The following RIC1 variants were observed in gnomAD, a reference collection of about 807,000 sequenced individuals.
RIC1 encodes RIC1 partner of RAB6A GEF complex.
Under a neutral mutation model 169.0 loss-of-function variants are expected in RIC1, and 88 were observed. That is an observed-to-expected ratio of 0.52 (90% CI 0.44 to 0.62). The LOEUF is 0.62. RIC1 is among the 20% of genes least tolerant of loss of function. RIC1 has a pLI of 0.00. For missense variants in RIC1, 1,877 were observed against 1,725.5 expected (o/e 1.09, Z -1.56); for synonymous variants, 790 against 601.5 (o/e 1.31, Z -4.59).
chr9:5,673,900 AAAT>A (rs2130587583), intron 2 of RIC1, among the ~76,000 whole-genome samples: 1 of 152,256 alleles, frequency 6.6e-6, no homozygotes, highest in Non-Finnish European at 1.5e-5. Context: ...ATTTGTGATA[AAAT>A]AATGTCATAA....
chr9:5,735,338 A>G (rs1357256427), intron 7 of RIC1, among the ~76,000 whole-genome samples: 1 of 152,240 alleles, frequency 6.6e-6, no homozygotes, highest in African/African-American at 2.4e-5. Flanking sequence ...GAAAATACAC[A>G]GAGACAGAAG....
intron 1 of RIC1, among the ~76,000 whole-genome samples, chr9:5,654,339 C>T (rs148650157): frequency 2.0e-5 from 3 of 152,144 alleles, no homozygotes; most frequent in East Asian, 3.9e-4. Context: ...CTCTGCCTCC[C>T]GGGTTCAAGC....
chr9:5,724,139 T>C (rs1403091992), intron 6 of RIC1, among the ~76,000 whole-genome samples: 3 of 152,210 alleles, frequency 2.0e-5, no homozygotes, highest in Non-Finnish European at 4.4e-5. Context: ...AATCTATAAA[T>C]GACCTTGGGC....
At chr9:5,732,821 A>G (rs1464922531) in intron 7 of RIC1, among the ~76,000 whole-genome samples, 1 of 152,196 alleles carries the variant, frequency 6.6e-6, no homozygotes, top group Non-Finnish European at 1.5e-5. Context: ...TTAATTTTTA[A>G]GACATCAGCA....
chr9:5,769,053 T>G lies in RIC1; in HGVS notation c.3221T>G (p.Val1074Gly), dbSNP rs370053489. 5.0e-6 allele frequency: 8 copies of G among 1,614,086 alleles called. No individual in the cohort carries two copies. Among genetic ancestry groups the G allele is most frequent in the Non-Finnish European group, 6.8e-6 (8 of 1,179,978 alleles). Reference sequence around the variant, plus strand: ...CATGCTCGGCGCCTCTTAGAAGATGTGAGGTTAAAGGACCTTGGCTGCTTT... The same window carrying G: ...CATGCTCGGCGCCTCTTAGAAGATGGGAGGTTAAAGGACCTTGGCTGCTTT... The part of the protein sequence containing the change: ...WRHARRLLED[V>G]RLKDLGCFAA... Residue 1074 changes from valine (V) to glycine (G), a missense_variant, in exon 22 of 26, where the codon GTG becomes GGG. Around this residue, in one of 3 missense-constraint regions of RIC1, gnomAD observed 681 missense variants for 582.0 expected, o/e 1.17. Coordinates refer to ENST00000414202, the MANE Select transcript of RIC1 (RefSeq NM_020829.4).
At chr9:5,632,255 T>G (rs1440060794) in intron 1 of RIC1, among the ~76,000 whole-genome samples, 2 of 152,240 alleles carry the variant, frequency 1.3e-5, no homozygotes, top group Admixed American at 1.3e-4. Context: ...AGTCGTTTAG[T>G]AGTCTAAGCT....
Position 5,754,494 on chromosome 9 carries a change from C to T in RIC1, c.1603-347C>T, listed in dbSNP as rs113303430. Among the ~76,000 whole-genome samples, 779 of 152,104 alleles carry T rather than the reference C, an allele frequency of 5.1e-3. 14 individuals are homozygous for T. The highest frequency in any genetic ancestry group is 0.018 in the African/African-American group (755 of 41,484). On this transcript the variant is annotated intron_variant, in intron 14 of 25. Coordinates refer to ENST00000414202, the MANE Select transcript of RIC1 (RefSeq NM_020829.4). The stretch of plus-strand genomic sequence containing the variant: ...CTGTAATCCCAGCACTTTGGGAGGC[C>T]GAAGCAGGCGGATCACTTGAGGCTG...
At chr9:5,699,943 C>T (rs1056198747) in intron 3 of RIC1, among the ~76,000 whole-genome samples, 7 of 151,714 alleles carry the variant, frequency 4.6e-5, no homozygotes, top group African/African-American at 1.7e-4. Context: ...TTAAGAACCA[C>T]AACAACTTTG....
Position 5,763,701 on chromosome 9 carries a change from A to G in RIC1, c.2674A>G (p.Thr892Ala), listed in dbSNP as rs1826484962. 2 of 1,613,950 alleles carry G rather than the reference A, an allele frequency of 1.2e-6. No individual in the cohort carries two copies. Among genetic ancestry groups the G allele is most frequent in the African/African-American group, 2.7e-5 (2 of 74,886 alleles). The change falls in exon 19 of 26, where the codon ACT becomes GCT. Residue 892 changes from threonine (T) to alanine (A), a missense_variant. By Grantham distance (58) the Thr-to-Ala change is moderately conservative. This residue lies in a region of RIC1 where 92 missense variants were observed against 151.5 expected (regional missense o/e 0.61). Transcript: ENST00000414202. This position sits in a 1 kb window ranked among gnomAD's most constrained non-coding sequence, Gnocchi z 5.2. ...PLLPTVAKFI[T>A]EFPLFLQTVV... is the part of the protein sequence containing the mutation. Reference sequence around the variant, plus strand: ...GCTTCCCACTGTGGCAAAATTTATCACTGAGTTCCCCCTCTTCCTGCAGAC... The same window carrying G: ...GCTTCCCACTGTGGCAAAATTTATCGCTGAGTTCCCCCTCTTCCTGCAGAC...
chr9:5,748,512 A>T (rs1054088555), intron 12 of RIC1: 5 of 152,678 alleles, frequency 3.3e-5, no homozygotes, highest in African/African-American at 1.2e-4. Flanking sequence ...TATAATTAGT[A>T]ACAATTTTTA....
intron 1 of RIC1, among the ~76,000 whole-genome samples, chr9:5,644,167 T>C (rs1053388546): frequency 1.3e-5 from 2 of 152,228 alleles, no homozygotes; most frequent in African/African-American, 4.8e-5. Context: ...AATCACAGTC[T>C]AGTTTTAGAA....
At chr9:5,765,321 A>G in intron 19 of RIC1, 93 bp from the exon 20 acceptor site, 5 of 1,375,988 alleles carry the variant, frequency 3.6e-6, no homozygotes, top group Non-Finnish European at 5.0e-6. Context: ...GTGTGGCTAC[A>G]TTCTTTGAGT....
chr9:5,744,110 T>A (rs190825202), intron 10 of RIC1, among the ~76,000 whole-genome samples: 12 of 151,772 alleles, frequency 7.9e-5, no homozygotes. Flanking sequence ...TTGATGAAAG[T>A]CTTTTGTTTT....
chr9:5,742,925 G>A lies in RIC1; in HGVS notation c.958G>A (p.Val320Ile), dbSNP rs1189614980. 1.2e-6 allele frequency: 2 copies of A among 1,613,126 alleles called. No homozygotes were observed. Among genetic ancestry groups the A allele is most frequent in the South Asian group, 1.1e-5 (1 of 91,056 alleles). ...GATGAGATGGTCTCCTGACAATAGT[G>A]TTGTAATAGTGACCTGGGAATACGG... ...KLMRWSPDNS[V>I]VIVTWEYGGL... Residue 320 changes from valine to isoleucine, a missense_variant, in exon 9 of 26, where the codon GTT (valine) becomes ATT (isoleucine). Transcript: ENST00000414202.
At chr9:5,637,067 G>A (rs1249278945) in intron 1 of RIC1, among the ~76,000 whole-genome samples, 2 of 151,802 alleles carry the variant, frequency 1.3e-5, no homozygotes, top group Non-Finnish European at 2.9e-5. Flanking sequence ...TTGTTTGTTT[G>A]TTTGTTTTTG....
chr9:5,692,649 T>G (rs932013846), intron 3 of RIC1, among the ~76,000 whole-genome samples: 29 of 152,066 alleles, frequency 1.9e-4, no homozygotes, highest in African/African-American at 6.3e-4. Context: ...TTTCTTGGTT[T>G]TTCTGCAGAA....
At chr9:5,705,186 AT>A (rs1429800857) in intron 3 of RIC1, among the ~76,000 whole-genome samples, 4 of 86,534 alleles carry the variant, frequency 4.6e-5, no homozygotes, top group African/African-American at 1.9e-4. Flanking sequence ...CAGCTTTCCC[AT>A]TTCTGTTTTT....
At chr9:5,735,489 G>A (rs923721218) in intron 7 of RIC1, among the ~76,000 whole-genome samples, 1 of 152,194 alleles carries the variant, frequency 6.6e-6, no homozygotes, top group Admixed American at 6.5e-5. Context: ...CCAGGATAAT[G>A]TAGGTAGACT....
At chr9:5,719,415 T>G (rs138405774) in intron 4 of RIC1, 240 of 152,354 alleles carry the variant, frequency 1.6e-3, no homozygotes, top group African/African-American at 5.1e-3. Context: ...GCTATGTAAC[T>G]ATTTTTGATT....
Sources: allele counts gnomAD v4.1 joint callset (sites outside exome capture counted in the v4.1 genomes callset), GRCh38; gene constraint gnomAD v4.1.1; regional missense constraint gnomAD v4.1.1; non-coding constraint Gnocchi (gnomAD v3.1); transcripts MANE v1.5; gene names NCBI Gene and HGNC (gene_info 2026-07-23, HGNC 2026-07-21).